TBC1D8: variants seen among roughly 807,000 people sequenced by gnomAD.
TBC1D8 encodes the protein BUB2-like protein 1.
TBC1D8 carries 65 observed loss-of-function variants against 118.8 expected under a neutral mutation model. The observed-to-expected ratio is 0.55, with a 90% CI of 0.45 to 0.67. TBC1D8 has a LOEUF of 0.67. TBC1D8 is among the 30% of genes least tolerant of loss of function. The pLI, the probability that TBC1D8 is intolerant of heterozygous loss-of-function variation, is 0.00. For synonymous variants in TBC1D8, 566 were observed against 595.8 expected, an observed-to-expected ratio of 0.95 and a Z score of 0.73; for missense variants, 1,376 against 1,471.2, an observed-to-expected ratio of 0.94 and a Z score of 1.06.
chr2:101,059,561 T>C (rs1014203920), intron 2 of TBC1D8, 22 bp from the exon 3 acceptor site: 1 of 1,560,308 alleles, frequency 6.4e-7, no homozygotes, highest in Non-Finnish European at 8.8e-7. Flanking sequence ...CAGAAAAAGA[T>C]ACAGAGATTA....
chr2:101,062,657 T>C (rs1164551044), intron 2 of TBC1D8, among the ~76,000 whole-genome samples: 1 of 152,210 alleles, frequency 6.6e-6, no homozygotes, highest in Non-Finnish European at 1.5e-5. Context: ...TTATTTATTA[T>C]TTTTTTGGAG....
intron 2 of TBC1D8, among the ~76,000 whole-genome samples, chr2:101,072,771 G>A (rs1433734167): frequency 6.6e-6 from 1 of 152,078 alleles, no homozygotes; most frequent in African/African-American, 2.4e-5. Context: ...CTCGTCCTGT[G>A]TGGTCCAGTT....
chr2:101,018,926 ATCT>A lies in TBC1D8; in HGVS notation c.2827+2752_2827+2754del. 1.0e-5 allele frequency: 16 copies of A among 1,569,584 alleles called. No individual in the cohort carries two copies. In the South Asian group the frequency reaches 1.6e-4, roughly 16 times the overall value. On this transcript the variant is annotated intron_variant, in intron 17 of 19. Coordinates refer to ENST00000409318, the MANE Select transcript of TBC1D8 (RefSeq NM_001330348.2). Reference sequence around the variant, plus strand: ...TGCAGTGAAAACTGTTGATGTCCTAATCTTCTGGAATGCTCTTCGTCTGTGTGT... The same window carrying A: ...TGCAGTGAAAACTGTTGATGTCCTAATCTGGAATGCTCTTCGTCTGTGTGT...
intron 2 of TBC1D8, among the ~76,000 whole-genome samples, chr2:101,075,807 T>C (rs1363888064): frequency 6.6e-6 from 1 of 152,196 alleles, no homozygotes; most frequent in Non-Finnish European, 1.5e-5. Flanking sequence ...AAATGGGCTC[T>C]AATGGGCAGA....
chr2:101,134,288 GTCTCA>G (rs1338311542), intron 1 of TBC1D8, among the ~76,000 whole-genome samples: 4 of 150,890 alleles, frequency 2.7e-5, no homozygotes, highest in Non-Finnish European at 5.9e-5. Flanking sequence ...TGGGGCCTCT[GTCTCA>G]TCTTGGGTCT....
intron 17 of TBC1D8, 82 bp from the exon 18 acceptor site, chr2:101,011,622 A>G: frequency 1.4e-6 from 2 of 1,457,972 alleles, no homozygotes; most frequent in East Asian, 2.3e-5. Flanking sequence ...CTAGGCAACT[A>G]AAGGCTAAGC....
At chr2:101,109,338 A>G (rs1574050139) in intron 1 of TBC1D8, among the ~76,000 whole-genome samples, 2 of 152,222 alleles carry the variant, frequency 1.3e-5, no homozygotes, top group Admixed American at 6.5e-5. Context: ...AGAACTACCC[A>G]TAAGTTTTTG....
In TBC1D8 at chr2:101,026,184, A is replaced by G. The variant is rs374846891; in HGVS notation, c.2520+1199T>C. On this transcript the variant is annotated intron_variant, in intron 15 of 19. Coordinates refer to ENST00000409318, the MANE Select transcript of TBC1D8 (RefSeq NM_001330348.2). Reference sequence around the variant, plus strand: ...TTCCTATTCTCTCAACCTGAGAACAATTAGCCCTAAATAAATCAAAGTCTT... The same window carrying G: ...TTCCTATTCTCTCAACCTGAGAACAGTTAGCCCTAAATAAATCAAAGTCTT... Among the ~76,000 whole-genome samples the G allele has an allele frequency of 8.7e-4, 132 of 152,306 alleles. 2 individuals are homozygous for G. The highest frequency in any genetic ancestry group is 3.1e-3 in the African/African-American group (127 of 41,572).
At chr2:101,103,156 A>G (rs1185334783) in intron 1 of TBC1D8, among the ~76,000 whole-genome samples, 14 of 152,106 alleles carry the variant, frequency 9.2e-5, no homozygotes, top group Non-Finnish European at 1.9e-4. Flanking sequence ...GAATGATACC[A>G]TGATCAAATG....
chr2:101,080,514 T>C (rs1675190511), intron 2 of TBC1D8, among the ~76,000 whole-genome samples: 1 of 152,118 alleles, frequency 6.6e-6, no homozygotes, highest in African/African-American at 2.4e-5. Context: ...AAAACCAAGA[T>C]GCCACCCATG....
At chr2:101,020,345 TATG>T (rs1233444044) in intron 17 of TBC1D8, among the ~76,000 whole-genome samples, 1 of 151,372 alleles carries the variant, frequency 6.6e-6, no homozygotes, top group Non-Finnish European at 1.5e-5. Flanking sequence ...ATGATGATGA[TATG>T]ATGAAGATAA....
intron 2 of TBC1D8, among the ~76,000 whole-genome samples, chr2:101,081,073 G>A (rs1423896840): frequency 6.6e-5 from 10 of 152,174 alleles, no homozygotes; most frequent in Non-Finnish European, 1.5e-4. Flanking sequence ...ACTGTGTCCA[G>A]CTATTCTCAA....
At chr2:101,120,402 GA>G (rs1678047660) in intron 1 of TBC1D8, among the ~76,000 whole-genome samples, 1 of 152,162 alleles carries the variant, frequency 6.6e-6, no homozygotes, top group Non-Finnish European at 1.5e-5. Flanking sequence ...CCCAATGTTA[GA>G]GATGCTAGTG....
chr2:101,149,947 TC>T lies in TBC1D8; in HGVS notation c.127+1179del, dbSNP rs1227049511. 4.6e-5 allele frequency among the ~76,000 whole-genome samples: 7 copies of T among 152,256 alleles called. No individual in the cohort carries two copies. In the East Asian group the frequency reaches 1.2e-3, roughly 25 times the overall value. The stretch of plus-strand genomic sequence containing the variant: ...CCTCCGTCCAGAATCCTAACTACAC[TC>T]TGCCCCTTCCATGGGGAACCCTCAG... On this transcript the variant is annotated intron_variant, in intron 1 of 19. Coordinates refer to ENST00000409318, the MANE Select transcript of TBC1D8 (RefSeq NM_001330348.2).
intron 11 of TBC1D8, among the ~76,000 whole-genome samples, chr2:101,030,523 G>A (rs1396805654): frequency 6.6e-6 from 1 of 152,136 alleles, no homozygotes; most frequent in Non-Finnish European, 1.5e-5. Flanking sequence ...TTTTAGCAAG[G>A]ATGTGGAGCA....
intron 1 of TBC1D8, among the ~76,000 whole-genome samples, chr2:101,128,397 G>T (rs1678443347): frequency 1.3e-5 from 2 of 152,098 alleles, no homozygotes; most frequent in Non-Finnish European, 2.9e-5. Flanking sequence ...AGGGTCTCAG[G>T]GCCAGGCTTA....
At chr2:101,130,274 C>G (rs922768378) in intron 1 of TBC1D8, among the ~76,000 whole-genome samples, 10 of 152,234 alleles carry the variant, frequency 6.6e-5, no homozygotes, top group African/African-American at 2.4e-4. Flanking sequence ...AAGCGTCGAT[C>G]GGGCCAGCTG....
In TBC1D8 at chr2:101,036,095, C is replaced by A. The variant is rs201324556; in HGVS notation, c.1526G>T (p.Arg509Leu). The A allele has an allele frequency of 1.2e-6, 2 of 1,613,934 alleles. No homozygotes were observed. The highest frequency in any genetic ancestry group is 1.7e-6 in the Non-Finnish European group (2 of 1,179,860). Reference sequence around the variant, plus strand: ...TACGAGCTTCCGAATCTTCTCTGTGCGAAACATACACACGGTTCTGCCGTA... The same window carrying A: ...TACGAGCTTCCGAATCTTCTCTGTGAGAAACATACACACGGTTCTGCCGTA... Reference protein sequence around the residue: ...VEYGRTVCMFRTEKIRKLVAM... With the variant: ...VEYGRTVCMFLTEKIRKLVAM... The change falls in exon 9 of 20, where the codon CGC becomes CTC. Residue 509 changes from arginine (R) to leucine (L), a missense_variant. Arg to Leu is a moderately radical substitution (Grantham distance 102, BLOSUM62 -2). Coordinates refer to ENST00000409318, the MANE Select transcript of TBC1D8 (RefSeq NM_001330348.2).
At chr2:101,120,708 T>G (rs1678060525) in intron 1 of TBC1D8, among the ~76,000 whole-genome samples, 1 of 152,186 alleles carries the variant, frequency 6.6e-6, no homozygotes, top group Admixed American at 6.5e-5. Flanking sequence ...GCAGAAACAC[T>G]GGGTAGGACA....
Sources: gnomAD v4.1 joint callset for allele counts (sites outside exome capture counted in the v4.1 genomes callset) on GRCh38, gnomAD v4.1.1 for gene constraint, MANE v1.5 for transcripts, NCBI Gene and HGNC (gene_info 2026-07-23, HGNC 2026-07-21) for gene names.